The following ADCY2 variants were observed in gnomAD, a reference collection of about 807,000 sequenced individuals.
The protein encoded by ADCY2 is adenylate cyclase type 2.
Under a neutral mutation model 125.2 loss-of-function variants are expected in ADCY2, and 31 were observed. That is an observed-to-expected ratio of 0.25 (90% CI 0.19 to 0.33). The LOEUF is 0.33. Ranked by LOEUF, ADCY2 falls within the 10% of genes least tolerant of loss-of-function variation. The pLI is 1.00. For synonymous variants in ADCY2, 512 were observed against 548.4 expected, an observed-to-expected ratio of 0.93 and a Z score of 0.93; for missense variants, 904 against 1,418.2, an observed-to-expected ratio of 0.64 and a Z score of 5.82.
chr5:7,772,740 T>A (rs1418407522), intron 17 of ADCY2, among the ~76,000 whole-genome samples, 192 bp from the exon 18 acceptor site: 3 of 62,388 alleles, frequency 4.8e-5, no homozygotes, highest in Non-Finnish European at 1.2e-4. Flanking sequence ...AAGCTTTGGA[T>A]GATTTTTTTT....
At chr5:7,633,232 A>G (rs1738381717) in intron 4 of ADCY2, among the ~76,000 whole-genome samples, 1 of 152,022 alleles carries the variant, frequency 6.6e-6, no homozygotes, top group Non-Finnish European at 1.5e-5. Flanking sequence ...GGAGTTTGAG[A>G]CCAGCCTGGC....
intron 5 of ADCY2, among the ~76,000 whole-genome samples, chr5:7,693,983 A>G (rs1225587587): frequency 6.6e-6 from 1 of 152,180 alleles, no homozygotes; most frequent in Admixed American, 6.5e-5. Context: ...AGCACCTGTG[A>G]TCCCTGCCAC....
intron 3 of ADCY2, among the ~76,000 whole-genome samples, chr5:7,538,865 C>CTTTT (rs373296689): frequency 1.3e-4 from 11 of 85,068 alleles, no homozygotes; most frequent in South Asian, 4.9e-4. Context: ...CTTTTCTTTT[C>CTTTT]TTTTTTTTTT....
At chr5:7,739,326 A>G (rs73043532) in intron 14 of ADCY2, among the ~76,000 whole-genome samples, 2,416 of 152,008 alleles carry the variant, frequency 0.016, 57 homozygotes, top group African/African-American at 0.055. Flanking sequence ...CTTCTAACCC[A>G]GGAGTCAAAT....
intron 2 of ADCY2, among the ~76,000 whole-genome samples, chr5:7,429,606 A>G (rs1740517266): frequency 6.6e-6 from 1 of 152,228 alleles, no homozygotes; most frequent in South Asian, 2.1e-4. Flanking sequence ...AATAACATTA[A>G]AAAGTCTGAA....
At chr5:7,407,874 T>C (rs1042995006) in intron 1 of ADCY2, among the ~76,000 whole-genome samples, 26 of 150,412 alleles carry the variant, frequency 1.7e-4, no homozygotes, top group Middle Eastern at 3.4e-3. Context: ...GTTCTTTTTT[T>C]TTTTTTTTTT....
rs949601650 is a variant in ADCY2 at position 7,802,885 on chromosome 5, A to G, written c.2775+521A>G. On this transcript the variant is annotated intron_variant, in intron 21 of 24. Coordinates refer to ENST00000338316, the MANE Select transcript of ADCY2 (RefSeq NM_020546.3). The surrounding 1 kb of genome is among the most constrained non-coding windows in gnomAD (Gnocchi z 4.6). Reference sequence around the variant, plus strand: ...GATGTTATTTTTCAACTTTCTACATAGAGAATAGTGTGTTCTATTTCCCAG... The same window carrying G: ...GATGTTATTTTTCAACTTTCTACATGGAGAATAGTGTGTTCTATTTCCCAG... Among the ~76,000 whole-genome samples the G allele has an allele frequency of 2.0e-5, 3 of 152,244 alleles. No homozygotes were observed. The highest frequency in any genetic ancestry group is 6.5e-5 in the Admixed American group (1 of 15,286).
chr5:7,826,613 C>T, intron 24 of ADCY2, 106 bp from the exon 25 acceptor site: 1 of 1,461,260 alleles, frequency 6.8e-7, no homozygotes. Context: ...AGTGGAATTC[C>T]TGGGTCAAAG....
chr5:7,705,981 C>T (rs980093641), intron 7 of ADCY2, among the ~76,000 whole-genome samples: 1 of 152,170 alleles, frequency 6.6e-6, no homozygotes, highest in African/African-American at 2.4e-5. Flanking sequence ...GTGCTGCAGT[C>T]GGCATCGTTG....
intron 7 of ADCY2, among the ~76,000 whole-genome samples, chr5:7,699,837 C>T (rs979621748): frequency 6.6e-6 from 1 of 152,192 alleles, no homozygotes; most frequent in African/African-American, 2.4e-5. Flanking sequence ...ATCTGCTTGC[C>T]TTGGCCTCCC....
At chr5:7,569,983 A>T (rs1040842676) in intron 3 of ADCY2, among the ~76,000 whole-genome samples, 1 of 117,050 alleles carries the variant, frequency 8.5e-6, no homozygotes, top group African/African-American at 2.7e-5. Context: ...TTGAAAGTGC[A>T]AGGGACCTTA....
chr5:7,451,888 C>A (rs1484208887), intron 2 of ADCY2, among the ~76,000 whole-genome samples: 1 of 151,600 alleles, frequency 6.6e-6, no homozygotes, highest in Non-Finnish European at 1.5e-5. Flanking sequence ...TACATTATAC[C>A]CAATATGTAG....
chr5:7,475,206 CG>C (rs1742477237), intron 2 of ADCY2, among the ~76,000 whole-genome samples: 1 of 152,118 alleles, frequency 6.6e-6, no homozygotes, highest in African/African-American at 2.4e-5. Context: ...GTGCAAAGAC[CG>C]GAAGTGCGAA....
At chr5:7,652,554 T>C (rs527468435) in intron 4 of ADCY2, among the ~76,000 whole-genome samples, 1 of 152,370 alleles carries the variant, frequency 6.6e-6, no homozygotes, top group African/African-American at 2.4e-5. Flanking sequence ...GACATTGTAT[T>C]CTCTGTATAA....
intron 2 of ADCY2, among the ~76,000 whole-genome samples, chr5:7,439,557 CACACAA>C (rs778656495): frequency 3.4e-5 from 4 of 119,228 alleles, no homozygotes; most frequent in East Asian, 2.3e-4. Flanking sequence ...CACACACACA[CACACAA>C]AAGTATGTGT....
At chr5:7,411,813 C>T (rs987362873) in intron 1 of ADCY2, among the ~76,000 whole-genome samples, 20 of 152,046 alleles carry the variant, frequency 1.3e-4, no homozygotes, top group African/African-American at 3.9e-4. Flanking sequence ...CGGTGGCTCA[C>T]GCCTGTAATC....
rs555281757 is a variant in ADCY2, at chr5:7,512,333, T to C, written c.409-8405T>C. On this transcript the variant is annotated intron_variant, in intron 2 of 24. Transcript: ENST00000338316. ...TTTTGACTTCTGTGTGGAAAATTCA[T>C]TCTAGGGGACACTGGTGTAAGAAAG... Among the ~76,000 whole-genome samples the C allele has an allele frequency of 2.6e-5, 4 of 152,016 alleles. No individual in the cohort carries two copies. The South Asian group carries it at 8.3e-4, about 32-fold the overall frequency.
At chr5:7,457,255 A>G (rs898418715) in intron 2 of ADCY2, among the ~76,000 whole-genome samples, 1 of 152,338 alleles carries the variant, frequency 6.6e-6, no homozygotes, top group South Asian at 2.1e-4. Flanking sequence ...CTTTAGTACT[A>G]TAACAAACCA....
chr5:7,702,401 C>CAGGAAGAGGAGT (rs1561176238), intron 7 of ADCY2, among the ~76,000 whole-genome samples: 1 of 151,828 alleles, frequency 6.6e-6, no homozygotes, highest in Non-Finnish European at 1.5e-5. Context: ...ACGACAGGCC[C>CAGGAAGAGGAGT]CGGTATGTGA....
Sources: allele counts gnomAD v4.1 joint callset (sites outside exome capture counted in the v4.1 genomes callset), GRCh38; gene constraint gnomAD v4.1.1; non-coding constraint Gnocchi (gnomAD v3.1); transcripts MANE v1.5; gene names NCBI Gene and HGNC (gene_info 2026-07-23, HGNC 2026-07-21).